RNF213: variants seen among roughly 807,000 people sequenced by gnomAD.
RNF213 encodes ring finger protein 213.
Under a neutral mutation model 514.4 loss-of-function variants are expected in RNF213, and 341 were observed. The ratio of observed to expected loss-of-function variants is 0.66; its 90% CI spans 0.61 to 0.73. The LOEUF (loss-of-function observed/expected upper bound fraction) is 0.73, where lower values mean the gene tolerates loss of function less well. Among genes scored for constraint, RNF213 ranks in the 30% least tolerant of loss-of-function variants. The probability of loss-of-function intolerance (pLI) is 0.00; values close to 1 mark genes in which losing one functional copy is unlikely to be tolerated. For missense variants in RNF213, 5,767 were observed against 6,615.6 expected, an observed-to-expected ratio of 0.87 and a Z score of 4.45; for synonymous variants, 2,655 against 2,658.2, an observed-to-expected ratio of 1.00 and a Z score of 0.04.
intron 59 of RNF213, 79 bp from the exon 60 acceptor site, chr17:80,384,960 G>C: frequency 2.1e-6 from 3 of 1,439,526 alleles, no homozygotes; most frequent in Non-Finnish European, 2.9e-6. Context: ...AAGTCTCGCA[G>C]CCAGTCTCAA....
rs1313415858 is a variant in RNF213 at position 80,347,754 on chromosome 17, G to A, written c.9419G>A (p.Cys3140Tyr). Residue 3140 changes from cysteine (C) to tyrosine (Y), a missense_variant, in exon 29 of 68, where the codon TGT (cysteine) becomes TAT (tyrosine). Around this residue, in one of 13 missense-constraint regions of RNF213, gnomAD observed 919 missense variants for 1,121.0 expected, o/e 0.82. Transcript: ENST00000582970. The surrounding 1 kb of genome is among the most constrained non-coding windows in gnomAD (Gnocchi z 7.2). ...GGTCTGGGGACCCACCGCGTCAAAT[G>A]TCGGGTTCACCCCAACTTCCGCCTG... ...DLGLGTHRVK[C>Y]RVHPNFRLIV... The A allele has an allele frequency of 5.6e-6, 9 of 1,614,070 alleles. No individual in the cohort carries two copies. Among genetic ancestry groups the A allele is most frequent in the African/African-American group, 1.3e-5 (1 of 74,952 alleles).
Position 80,317,351 on chromosome 17 carries a change from C to A in RNF213, c.2901+74C>A. 7.5e-7 allele frequency: 1 copy of A among 1,339,546 alleles called. No homozygotes were observed. Among genetic ancestry groups the A allele is most frequent in the Non-Finnish European group, 1.1e-6 (1 of 944,980 alleles). 83.0% of individuals were successfully genotyped at this position (1,339,546 alleles called of 1,614,324 possible). ...AGAACCCCAGACCATTAGCGACAGC[C>A]AAGAGATCTCAGCAGTGCCTCTCTG... On this transcript the variant is annotated intron_variant, in intron 16 of 67. Coordinates refer to ENST00000582970, the MANE Select transcript of RNF213 (RefSeq NM_001256071.3). This position sits in a 1 kb window ranked among gnomAD's most constrained non-coding sequence, Gnocchi z 4.1.
At chr17:80,358,226 G>T (rs2078905566) in intron 36 of RNF213, 62 bp from the exon 37 acceptor site, 3 of 1,458,808 alleles carry the variant, frequency 2.1e-6, no homozygotes, top group Non-Finnish European at 2.9e-6. Context: ...ATGTCAAAAG[G>T]TGGCAGACCG....
In RNF213 at chr17:80,374,569, G is replaced by A. The variant is rs2079666273; in HGVS notation, c.13054G>A (p.Gly4352Ser). Residue 4352 changes from glycine (G) to serine (S), a missense_variant, in exon 50 of 68, where the codon GGC (glycine) becomes AGC (serine). Physicochemically the swap from Gly to Ser is moderately conservative, Grantham distance 56. This residue lies in a region of RNF213 where 1,245 missense variants were observed against 1,339.0 expected (regional missense o/e 0.93). Coordinates refer to ENST00000582970, the MANE Select transcript of RNF213 (RefSeq NM_001256071.3). ...AGCTGTCCTCGAGTGCAAGCCACTG[G>A]GCATTAAGACTGCTCTGAAGGTAGG... Reference protein sequence around the residue: ...AKAVLECKPLGIKTALKACKT... With the variant: ...AKAVLECKPLSIKTALKACKT... 2 of 1,614,042 alleles carry A rather than the reference G, an allele frequency of 1.2e-6. No individual in the cohort carries two copies. The highest frequency in any genetic ancestry group is 2.7e-5 in the African/African-American group (2 of 74,928).
Position 80,372,741 on chromosome 17 carries a change from C to A in RNF213, c.12751+7C>A. ...GAGCCTGAGGGAGGCCCAGGCAAGT[C>A]TTCTCTGCCTTGCTTTCCTTTGGGT... is the stretch of plus-strand genomic sequence containing the variant. On this transcript the variant is annotated splice_region_variant and intron_variant, in intron 48 of 67. Coordinates refer to ENST00000582970, the MANE Select transcript of RNF213 (RefSeq NM_001256071.3). The A allele has an allele frequency of 6.2e-7, 1 of 1,612,180 alleles. No homozygotes were observed. Among genetic ancestry groups the A allele is most frequent in the South Asian group, 1.1e-5 (1 of 91,020 alleles).
chr17:80,302,712 T>C (rs756323371), intron 11 of RNF213, among the ~76,000 whole-genome samples: 5 of 151,900 alleles, frequency 3.3e-5, no homozygotes, highest in Admixed American at 2.0e-4. Flanking sequence ...ACAAAAAAAA[T>C]AGTTAGGCAT....
chr17:80,369,353 G>A (rs575787008), intron 44 of RNF213, 149 bp from the exon 45 acceptor site: 89 of 791,638 alleles, frequency 1.1e-4, no homozygotes, highest in Middle Eastern at 3.6e-4. Context: ...AGCGGAGATC[G>A]CGCCACTGTA....
intron 18 of RNF213, 40 bp from the exon 19 acceptor site, chr17:80,327,776 G>C (rs1194467819): frequency 1.3e-6 from 2 of 1,487,648 alleles, no homozygotes; most frequent in Admixed American, 4.1e-5. Context: ...GGCAGGAGGT[G>C]GGGAGCCCAC....
At chr17:80,306,130 A>C in intron 11 of RNF213, 122 bp from the exon 12 acceptor site, 1 of 958,184 alleles carries the variant, frequency 1.0e-6, no homozygotes, top group Non-Finnish European at 1.7e-6. Context: ...GCCTGCCCTC[A>C]AGTAGTATTT....
intron 6 of RNF213, 131 bp from the exon 7 acceptor site, chr17:80,290,439 G>A (rs1169122727): frequency 5.5e-6 from 6 of 1,091,776 alleles, no homozygotes; most frequent in Admixed American, 3.5e-5. Flanking sequence ...GCGCGTGTGT[G>A]CATGTGTGTG....
intron 8 of RNF213, 189 bp downstream of exon 8, chr17:80,292,016 A>G: frequency 1.5e-6 from 1 of 678,836 alleles, no homozygotes; most frequent in East Asian, 2.7e-5. Flanking sequence ...TGGTTGGTTA[A>G]AGATGTGTTG....
intron 66 of RNF213, 40 bp downstream of exon 66, chr17:80,389,957 G>A: frequency 6.2e-7 from 1 of 1,613,118 alleles, no homozygotes; most frequent in African/African-American, 1.3e-5. Context: ...CAGAGGGACT[G>A]CGCTCCCTTC....
At position 80,364,955 on chromosome 17, in the gene RNF213, C is replaced by T. The variant is rs749779063; in HGVS notation, c.11871+402C>T. On this transcript the variant is annotated intron_variant, in intron 42 of 67. Coordinates refer to ENST00000582970, the MANE Select transcript of RNF213 (RefSeq NM_001256071.3). Reference sequence around the variant, plus strand: ...AGACAAGGATGTCAGAGAATGCCACCGGGGTTTGGGGTCTTCAAAACAGTG... The same window carrying T: ...AGACAAGGATGTCAGAGAATGCCACTGGGGTTTGGGGTCTTCAAAACAGTG... 274 of 307,682 alleles carry T rather than the reference C, an allele frequency of 8.9e-4. 1 individual carries two copies. Among genetic ancestry groups the T allele is most frequent in the Non-Finnish European group, 1.5e-3 (233 of 156,798 alleles). The allele number at this position is 307,682 out of a possible 1,614,324, so 19.1% of individuals were successfully genotyped here.
intron 18 of RNF213, 99 bp from the exon 19 acceptor site, chr17:80,327,717 T>A: frequency 9.8e-7 from 1 of 1,019,088 alleles, no homozygotes; most frequent in Admixed American, 2.6e-5. Context: ...TTTGAGGAAG[T>A]GGGGGCAGAA....
Position 80,337,739 on chromosome 17 carries a change from C to T in RNF213, c.4668+13C>T. The T allele has an allele frequency of 6.5e-7, 1 of 1,537,312 alleles. No individual in the cohort carries two copies. Among genetic ancestry groups the T allele is most frequent in the Non-Finnish European group, 8.7e-7 (1 of 1,146,932 alleles). On this transcript the variant is annotated intron_variant, in intron 24 of 67. Coordinates refer to ENST00000582970, the MANE Select transcript of RNF213 (RefSeq NM_001256071.3). ...AGGTGGCCAAAAGGTGAGCGGTCCC[C>T]AGCCCTCGGCGCAGCTGCGGCCCTT...
At chr17:80,389,640 G>A (rs150719698) in intron 65 of RNF213, among the ~76,000 whole-genome samples, 188 bp from the exon 66 acceptor site, 4 of 152,346 alleles carry the variant, frequency 2.6e-5, no homozygotes, top group East Asian at 1.9e-4. Context: ...TGAGCGGGCT[G>A]TGAGGTGCCG....
intron 14 of RNF213, 123 bp downstream of exon 14, chr17:80,309,294 G>T: frequency 8.5e-7 from 1 of 1,179,452 alleles, no homozygotes. Context: ...GGTGGTTTCA[G>T]CAGTGGACAT....
chr17:80,278,143 A>G (rs931293388), intron 3 of RNF213, among the ~76,000 whole-genome samples: 1 of 152,178 alleles, frequency 6.6e-6, no homozygotes, highest in African/African-American at 2.4e-5. Context: ...GCCAGGGGTC[A>G]TTTGGGTTGG....
At chr17:80,313,505 G>C (rs201358212) in intron 15 of RNF213, among the ~76,000 whole-genome samples, 1 of 143,524 alleles carries the variant, frequency 7.0e-6, no homozygotes, top group African/African-American at 2.7e-5. Context: ...TGGTGGTGGT[G>C]GTAGAGGTGA....
Sources: allele counts gnomAD v4.1 joint callset (sites outside exome capture counted in the v4.1 genomes callset), GRCh38; gene constraint gnomAD v4.1.1; regional missense constraint gnomAD v4.1.1; non-coding constraint Gnocchi (gnomAD v3.1); transcripts MANE v1.5; gene names NCBI Gene and HGNC (gene_info 2026-07-23, HGNC 2026-07-21).